COPG1: variants seen among roughly 807,000 people sequenced by gnomAD.
COPG1 encodes coatomer subunit gamma-1.
In COPG1, 29 loss-of-function variants were observed where a neutral mutation model predicts 102.8. The ratio of observed to expected loss-of-function variants is 0.28; its 90% CI spans 0.21 to 0.38. COPG1 has a LOEUF of 0.38. Among genes scored for constraint, COPG1 ranks in the 10% least tolerant of loss-of-function variants. COPG1 has a pLI of 1.00. For missense variants in COPG1, 875 were observed against 1,132.7 expected, an observed-to-expected ratio of 0.77 and a Z score of 3.27; for synonymous variants, 406 against 421.6, an observed-to-expected ratio of 0.96 and a Z score of 0.45.
intron 18 of COPG1, among the ~76,000 whole-genome samples, 179 bp downstream of exon 18, chr3:129,269,179 T>C (rs145223386): frequency 3.2e-4 from 49 of 152,196 alleles, no homozygotes; most frequent in African/African-American, 1.2e-3. Flanking sequence ...ATCTGAGGAA[T>C]TGGAAGTTCA....
chr3:129,266,927 G>A (rs1441478005), intron 14 of COPG1, 97 bp from the exon 15 acceptor site: 2 of 1,024,220 alleles, frequency 2.0e-6, no homozygotes, highest in Non-Finnish European at 3.0e-6. Flanking sequence ...TGCCTCTGGG[G>A]CTCTTCTGCC....
At chr3:129,268,791 G>A (rs1940121725) in intron 17 of COPG1, 141 bp from the exon 18 acceptor site, 10 of 1,070,248 alleles carry the variant, frequency 9.3e-6, no homozygotes, top group Admixed American at 3.6e-5. Context: ...ACACACAGAC[G>A]TGGGCTCTCT....
chr3:129,277,670 A>T lies in COPG1; in HGVS notation c.*246A>T, dbSNP rs983737277. ...CCTAAATCTTGCTGTCCACCCTTCCAGGAAAGGGACATTGTAAATGAATAA... is the reference window on the plus strand; with the variant it reads ...CCTAAATCTTGCTGTCCACCCTTCCTGGAAAGGGACATTGTAAATGAATAA... On this transcript the variant is annotated 3_prime_UTR_variant, in exon 24 of 24. Coordinates refer to ENST00000314797, the MANE Select transcript of COPG1 (RefSeq NM_016128.4). 3.4e-5 allele frequency: 14 copies of T among 410,126 alleles called. No homozygotes were observed. Among genetic ancestry groups the T allele is most frequent in the Non-Finnish European group, 6.3e-5 (14 of 222,808 alleles). 25.4% of individuals were successfully genotyped at this position (410,126 alleles called of 1,614,324 possible).
intron 21 of COPG1, chr3:129,274,186 GAAAAA>G: frequency 3.3e-5 from 11 of 332,534 alleles, no homozygotes; most frequent in South Asian, 2.6e-4. Flanking sequence ...CAGAGATGAA[GAAAAA>G]AAAAAAAGAG....
rs1230011739 is a variant in COPG1, at chr3:129,263,926, G to T, written c.1151G>T (p.Ser384Ile). The change falls in exon 13 of 24, where the codon AGT (serine) becomes ATT (isoleucine). Residue 384 changes from serine (S) to isoleucine (I), a missense_variant. Coordinates refer to ENST00000314797, the MANE Select transcript of COPG1 (RefSeq NM_016128.4). The stretch of plus-strand genomic sequence containing the variant: ...TAGGTGGTGGTTGTCCAGGCCATCA[G>T]TGCCCTGTGTCAGAAATATCCTCGC... ...EFKVVVVQAI[S>I]ALCQKYPRKH... 3.1e-6 allele frequency: 5 copies of T among 1,614,150 alleles called. No individual in the cohort carries two copies. In the South Asian group the frequency reaches 5.5e-5, roughly 18 times the overall value.
rs77218103 is a variant in COPG1, at chr3:129,275,231, C to T, written c.2433C>T (p.His811=). 8.4e-5 allele frequency: 136 copies of T among 1,614,114 alleles called. No homozygotes were observed. The East Asian group carries it at 2.8e-3, about 33-fold the overall frequency. ...ATATTGTGAAGTTCTTGGGAATGCACCCTTGTGAGAGGTCAGACAAAGTGC... is the reference window on the plus strand; with the variant it reads ...ATATTGTGAAGTTCTTGGGAATGCATCCTTGTGAGAGGTCAGACAAAGTGC... The part of the protein sequence containing the change: ...VGNIVKFLGM[H]PCERSDKVPD... Residue 811 remains histidine (H), a synonymous_variant, in exon 23 of 24, where the codon CAC becomes CAT. Coordinates refer to ENST00000314797, the MANE Select transcript of COPG1 (RefSeq NM_016128.4). This position sits in a 1 kb window ranked among gnomAD's most constrained non-coding sequence, Gnocchi z 5.0.
chr3:129,265,378 C>T (rs1286539414), intron 13 of COPG1, among the ~76,000 whole-genome samples, 171 bp from the exon 14 acceptor site: 1 of 152,182 alleles, frequency 6.6e-6, no homozygotes, highest in Non-Finnish European at 1.5e-5. Flanking sequence ...AGGTGTGAGC[C>T]ACTGCACCTG....
chr3:129,254,796 CATCATCTTTTGCATTCT>C, intron 6 of COPG1, 53 bp downstream of exon 6: 1 of 1,509,956 alleles, frequency 6.6e-7, no homozygotes, highest in Non-Finnish European at 9.2e-7. Flanking sequence ...GAGGCCTCGG[CATCATCTTTTGCATTCT>C]TTGGGGTGTC....
Position 129,250,838 on chromosome 3 carries a change from AG to A in COPG1, c.90+105del, listed in dbSNP as rs1400711353. On this transcript the variant is annotated intron_variant, in intron 2 of 23. Transcript: ENST00000314797. Reference sequence around the variant, plus strand: ...GTGTTGTTTTAAAGAGCAACACGGGAGAAAACTTGTGCCTGGAAGTTTTCTG... The same window carrying A: ...GTGTTGTTTTAAAGAGCAACACGGGAAAAACTTGTGCCTGGAAGTTTTCTG... 7.1e-6 allele frequency: 7 copies of A among 982,218 alleles called. No homozygotes were observed. The African/African-American group carries it at 1.1e-4, about 16-fold the overall frequency. The allele number at this position is 982,218 out of a possible 1,614,324, so 60.8% of individuals were successfully genotyped here.
At chr3:129,259,410 G>T (rs1296499377) in intron 10 of COPG1, among the ~76,000 whole-genome samples, 1 of 148,406 alleles carries the variant, frequency 6.7e-6, no homozygotes, top group African/African-American at 2.5e-5. Context: ...GCAGTGAGCC[G>T]AGATCGCGCC....
chr3:129,251,812 C>G (rs148550321), intron 2 of COPG1, among the ~76,000 whole-genome samples: 2,664 of 152,166 alleles, frequency 0.018, 76 homozygotes, highest in African/African-American at 0.061. Context: ...CTCGGCCTCC[C>G]GAGTAGCTGA....
At chr3:129,252,494 T>C in intron 3 of COPG1, 129 bp from the exon 4 acceptor site, 1 of 1,023,006 alleles carries the variant, frequency 9.8e-7, no homozygotes, top group Non-Finnish European at 1.5e-6. Flanking sequence ...CTGGGTCCCC[T>C]CAGCATCCAA....
intron 13 of COPG1, 140 bp from the exon 14 acceptor site, chr3:129,265,409 G>A: frequency 9.7e-7 from 1 of 1,031,744 alleles, no homozygotes; most frequent in Non-Finnish European, 1.4e-6. Flanking sequence ...TGTTTGACAG[G>A]AAAGAGTGAT....
intron 2 of COPG1, among the ~76,000 whole-genome samples, chr3:129,251,805 G>A (rs147518482): frequency 0.012 from 1,794 of 151,578 alleles, 34 homozygotes; most frequent in African/African-American, 0.041. Context: ...CTCCTGCCTC[G>A]GCCTCCCGAG....
In COPG1 at chr3:129,277,338, C is replaced by T. The variant is rs761696929; in HGVS notation, c.2539C>T (p.Leu847=). The change falls in exon 24 of 24, where the codon CTG becomes TTG. Residue 847 remains leucine (L), a synonymous_variant. Coordinates refer to ENST00000314797, the MANE Select transcript of COPG1 (RefSeq NM_016128.4). ...TGACATCCTGGTGCGCTCCCGGCTG[C>T]TGCTTTTGGACACAGTGACAATGCA... ...GHDILVRSRL[L]LLDTVTMQVT... The T allele has an allele frequency of 6.2e-7, 1 of 1,614,038 alleles. No individual in the cohort carries two copies. Among genetic ancestry groups the T allele is most frequent in the African/African-American group, 1.3e-5 (1 of 75,020 alleles).
At chr3:129,261,462 A>G (rs1182138229) in intron 12 of COPG1, among the ~76,000 whole-genome samples, 1 of 152,232 alleles carries the variant, frequency 6.6e-6, no homozygotes, top group Non-Finnish European at 1.5e-5. Flanking sequence ...TGTAAGGCCC[A>G]TGGTCAGGTA....
intron 20 of COPG1, 77 bp downstream of exon 20, chr3:129,272,492 G>C: frequency 8.2e-7 from 1 of 1,212,208 alleles, no homozygotes; most frequent in Non-Finnish European, 1.2e-6. Context: ...CTGGGCACCA[G>C]CTGTTTGCCT....
intron 1 of COPG1, among the ~76,000 whole-genome samples, chr3:129,249,973 AC>A (rs62819160): frequency 0.13 from 16,377 of 124,950 alleles, 1,005 homozygotes; most frequent in South Asian, 0.21. Flanking sequence ...CGCGACAAAC[AC>A]CCCCCCCCCC....
intron 8 of COPG1, 72 bp from the exon 9 acceptor site, chr3:129,257,398 C>A: frequency 6.4e-7 from 1 of 1,551,278 alleles, no homozygotes; most frequent in South Asian, 1.1e-5. Flanking sequence ...CTGAAGGACC[C>A]ACCCAGGGCC....
Sources: allele counts gnomAD v4.1 joint callset (sites outside exome capture counted in the v4.1 genomes callset), GRCh38; gene constraint gnomAD v4.1.1; non-coding constraint Gnocchi (gnomAD v3.1); transcripts MANE v1.5; gene names NCBI Gene and HGNC (gene_info 2026-07-23, HGNC 2026-07-21).